The following TOPAZ1 variants were observed in gnomAD, a reference collection of about 807,000 sequenced individuals.
TOPAZ1 encodes the protein testis and ovary specific TOPAZ 1, also known as protein TOPAZ1.
Under a neutral mutation model 172.2 loss-of-function variants are expected in TOPAZ1, and 66 were observed. The observed-to-expected ratio is 0.38, with a 90% CI of 0.31 to 0.47. TOPAZ1 has a LOEUF of 0.47. Among genes scored for constraint, TOPAZ1 ranks in the 20% least tolerant of loss-of-function variants. TOPAZ1 has a pLI of 0.99. For synonymous variants in TOPAZ1, 681 were observed against 683.9 expected, an observed-to-expected ratio of 1.00 and a Z score of 0.07; for missense variants, 1,822 against 1,972.4, an observed-to-expected ratio of 0.92 and a Z score of 1.44.
At chr3:44,313,617 C>CAAA (rs63007860) in intron 16 of TOPAZ1, among the ~76,000 whole-genome samples, 1 of 99,716 alleles carries the variant, frequency 1.0e-5, no homozygotes, top group South Asian at 4.3e-4. Flanking sequence ...GACTCTGTCT[C>CAAA]AAAAAAAAAA....
At chr3:44,332,993 G>GT (rs112385784), downstream of TOPAZ1, among the ~76,000 whole-genome samples, 1,563 of 137,088 alleles carry the variant, frequency 0.011, 12 homozygotes, top group African/African-American at 0.02. Context: ...TTTTTTTGTG[G>GT]TTTTTTTTTT....
intron 8 of TOPAZ1, among the ~76,000 whole-genome samples, chr3:44,280,516 T>A (rs1363588511): frequency 4.0e-5 from 6 of 151,554 alleles, no homozygotes; most frequent in African/African-American, 1.5e-4. Context: ...TCCAGTTAAT[T>A]TTTCTATTTT....
In TOPAZ1 at chr3:44,269,241, T is replaced by C. The variant is rs1699866649; in HGVS notation, c.3186T>C (p.Ser1062=). 2 of 1,549,284 alleles carry C rather than the reference T, an allele frequency of 1.3e-6. No homozygotes were observed. The highest frequency in any genetic ancestry group is 1.7e-6 in the Non-Finnish European group (2 of 1,145,064). ...MNDFRFLGKH[S]VLKLQNPETC... ...ATTTCAGATTTCTGGGAAAACATTC[T>C]GTCCTAAAGCTGCAGAATCCTGAAA... Residue 1062 remains serine, a synonymous_variant, in exon 7 of 20, where the codon TCT becomes TCC. Transcript: ENST00000309765.
intron 2 of TOPAZ1, among the ~76,000 whole-genome samples, chr3:44,248,719 G>A (rs889371320): frequency 6.6e-6 from 1 of 152,176 alleles, no homozygotes; most frequent in Non-Finnish European, 1.5e-5. Flanking sequence ...ACACTGAGAG[G>A]CTGAAGGCTG....
At chr3:44,306,880 G>T (rs1419440204) in intron 15 of TOPAZ1, among the ~76,000 whole-genome samples, 4 of 152,082 alleles carry the variant, frequency 2.6e-5, no homozygotes, top group Admixed American at 2.6e-4. Context: ...GTAACACTAG[G>T]TATAAATGGG....
At chr3:44,306,104 C>T (rs754754910) in intron 14 of TOPAZ1, among the ~76,000 whole-genome samples, 6 of 152,174 alleles carry the variant, frequency 3.9e-5, no homozygotes, top group Non-Finnish European at 4.4e-5. Flanking sequence ...TTTTAGGCTT[C>T]GAACACACCA....
intron 7 of TOPAZ1, among the ~76,000 whole-genome samples, chr3:44,269,886 T>C (rs1477145677): frequency 6.6e-6 from 1 of 152,102 alleles, no homozygotes. Context: ...TTCCTTGGGC[T>C]CCCAAAGGAT....
intron 1 of TOPAZ1, 34 bp downstream of exon 1, chr3:44,242,433 C>G (rs1360930137): frequency 6.5e-7 from 1 of 1,544,122 alleles, no homozygotes; most frequent in Non-Finnish European, 8.8e-7. Flanking sequence ...TACCTTTAGC[C>G]CTTGTACCTC....
In TOPAZ1 at chr3:44,242,077, C is replaced by G. The variant is rs1170500868; in HGVS notation, c.24C>G (p.Gly8=). 1 of 1,545,242 alleles carries G rather than the reference C, an allele frequency of 6.5e-7. No homozygotes were observed. Among genetic ancestry groups the G allele is most frequent in the Non-Finnish European group, 8.7e-7 (1 of 1,146,384 alleles). The change falls in exon 1 of 20, where the codon GGC becomes GGG. Residue 8 remains glycine (G), a synonymous_variant. Coordinates refer to ENST00000309765, the MANE Select transcript of TOPAZ1 (RefSeq NM_001145030.2). The stretch of plus-strand genomic sequence containing the variant: ...ACATGCGACGACCTCCACCCCTGGG[C>G]CCCACGACGGCCTCAGGGCCTGAAG... MRRPPPL[G]PTTASGPEGN...
chr3:44,323,210 C>A lies in TOPAZ1; in HGVS notation c.4590C>A (p.Ile1530=), dbSNP rs1294507627. 2 of 1,550,258 alleles carry A rather than the reference C, an allele frequency of 1.3e-6. No individual in the cohort carries two copies. The highest frequency in any genetic ancestry group is 4.9e-5 in the East Asian group (2 of 40,800). The part of the protein sequence containing the change: ...SVAEFMISKS[I]PIDFSFLRRL... ...CAGAATTCATGATTTCAAAGAGCATCCCTATTGATTTTTCCTTTCTCAGAA... is the reference window on the plus strand; with the variant it reads ...CAGAATTCATGATTTCAAAGAGCATACCTATTGATTTTTCCTTTCTCAGAA... The change falls in exon 18 of 20, where the codon ATC becomes ATA. Residue 1530 remains isoleucine, a synonymous_variant. Transcript: ENST00000309765.
Position 44,270,693 on chromosome 3 carries a change from G to A in TOPAZ1, c.3255G>A (p.Gln1085=). 6.5e-7 allele frequency: 1 copy of A among 1,540,686 alleles called. No homozygotes were observed. The highest frequency in any genetic ancestry group is 1.7e-4 in the Middle Eastern group (1 of 5,928). ...TCTTTCTAATTTTCTAGGTGTTCCAGAAGTCCCTAGGGTTGATGATACCCT... is the reference window on the plus strand; with the variant it reads ...TCTTTCTAATTTTCTAGGTGTTCCAAAAGTCCCTAGGGTTGATGATACCCT... ...FKREKNVGVF[Q]KSLGLMIPYK... Residue 1085 remains glutamine, a synonymous_variant, in exon 8 of 20, where the codon CAG becomes CAA. Coordinates refer to ENST00000309765, the MANE Select transcript of TOPAZ1 (RefSeq NM_001145030.2).
chr3:44,332,533 G>A (rs1700682084), downstream of TOPAZ1, among the ~76,000 whole-genome samples: 1 of 151,742 alleles, frequency 6.6e-6, no homozygotes, highest in Non-Finnish European at 1.5e-5. Flanking sequence ...GTGTATCTTG[G>A]AATACTAGAT....
At chr3:44,270,863 C>T in intron 8 of TOPAZ1, 53 bp downstream of exon 8, 1 of 1,439,762 alleles carries the variant, frequency 6.9e-7, no homozygotes, top group Non-Finnish European at 9.2e-7. Context: ...CTATCTCAGT[C>T]ATGCATTTTA....
intron 9 of TOPAZ1, among the ~76,000 whole-genome samples, chr3:44,285,685 T>C (rs1310261844): frequency 6.6e-6 from 1 of 151,560 alleles, no homozygotes; most frequent in Non-Finnish European, 1.5e-5. Flanking sequence ...TTCTCCTGCC[T>C]CAGTCTCCCT....
At chr3:44,246,265 C>A (rs1215439812) in intron 2 of TOPAZ1, among the ~76,000 whole-genome samples, 1 of 131,590 alleles carries the variant, frequency 7.6e-6, no homozygotes, top group Non-Finnish European at 1.7e-5. Context: ...TGTTTGGCCC[C>A]AAATTGATTT....
At chr3:44,318,749 C>T (rs982729049) in intron 16 of TOPAZ1, among the ~76,000 whole-genome samples, 2 of 147,838 alleles carry the variant, frequency 1.4e-5, no homozygotes, top group Non-Finnish European at 1.5e-5. Flanking sequence ...ATCCCTGCCC[C>T]ATTCCTCGGA....
intron 12 of TOPAZ1, among the ~76,000 whole-genome samples, chr3:44,302,172 A>G (rs1048279545): frequency 6.6e-6 from 1 of 152,162 alleles, no homozygotes; most frequent in African/African-American, 2.4e-5. Flanking sequence ...GCACTTTGGG[A>G]GGCCGAGGTG....
intron 9 of TOPAZ1, among the ~76,000 whole-genome samples, chr3:44,283,570 T>G (rs1250852648): frequency 6.6e-6 from 1 of 152,214 alleles, no homozygotes; most frequent in African/African-American, 2.4e-5. Context: ...ATATTTGAAT[T>G]TCCACATAAA....
intron 14 of TOPAZ1, among the ~76,000 whole-genome samples, 189 bp from the exon 15 acceptor site, chr3:44,306,137 T>A (rs1482386020): frequency 6.6e-6 from 1 of 152,236 alleles, no homozygotes; most frequent in Non-Finnish European, 1.5e-5. Context: ...ATCACATAGT[T>A]TTATTTTCTT....
Sources: allele counts gnomAD v4.1 joint callset (sites outside exome capture counted in the v4.1 genomes callset), GRCh38; gene constraint gnomAD v4.1.1; transcripts MANE v1.5; gene names NCBI Gene and HGNC (gene_info 2026-07-23, HGNC 2026-07-21).